RHEB: variants seen among roughly 807,000 people sequenced by gnomAD.
RHEB encodes Ras homolog, mTORC1 binding.
In RHEB, 2 loss-of-function variants were observed where a neutral mutation model predicts 28.8. The ratio of observed to expected loss-of-function variants is 0.07; its 90% CI spans 0.03 to 0.22. RHEB has a LOEUF of 0.22. Among genes scored for constraint, RHEB ranks in the 10% least tolerant of loss-of-function variants. The pLI is 1.00. For missense variants in RHEB, 76 were observed against 219.9 expected, an observed-to-expected ratio of 0.35 and a Z score of 4.14; for synonymous variants, 69 against 77.3, an observed-to-expected ratio of 0.89 and a Z score of 0.56.
chr7:151,491,444 A>G (rs1257686451), intron 1 of RHEB, among the ~76,000 whole-genome samples: 1 of 152,238 alleles, frequency 6.6e-6, no homozygotes, highest in Non-Finnish European at 1.5e-5. Flanking sequence ...GCTTTTAAAA[A>G]GAGTAATCCG....
rs1802570038 is a variant in RHEB, at chr7:151,490,947, T to C, written c.120A>G (p.Glu40=). 6.2e-7 allele frequency: 1 copy of C among 1,609,114 alleles called. No individual in the cohort carries two copies. The highest frequency in any genetic ancestry group is 8.5e-7 in the Non-Finnish European group (1 of 1,175,586). ...QFVDSYDPTI[E]NTFTKLITVN... ...GTACTTGAAAACAATACTTACTGTT[T>C]TCTATGGTTGGATCGTAGGAGTCCA... The change falls in exon 2 of 8, where the codon GAA becomes GAG. Residue 40 remains glutamate (E), a synonymous_variant. Transcript: ENST00000262187.
At chr7:151,518,692 T>C (rs547378654) in intron 1 of RHEB, among the ~76,000 whole-genome samples, 4 of 152,238 alleles carry the variant, frequency 2.6e-5, no homozygotes, top group African/African-American at 9.6e-5. Flanking sequence ...TGTCAACCTT[T>C]TGGGGGAAGA....
In RHEB at chr7:151,502,524, T is replaced by C. The variant is rs554163479; in HGVS notation, c.53-11510A>G. ...AAGGAAAAGAAAGTCAACGTTGACT[T>C]TGAATCTTTCAAACCAATTAATACG... On this transcript the variant is annotated intron_variant, in intron 1 of 7. Coordinates refer to ENST00000262187, the MANE Select transcript of RHEB (RefSeq NM_005614.4). 3.0e-6 allele frequency: 3 copies of C among 1,003,208 alleles called. No homozygotes were observed. In the African/African-American group the frequency reaches 4.7e-5, roughly 16 times the overall value. The allele number at this position is 1,003,208 out of a possible 1,614,324, so 62.1% of individuals were successfully genotyped here. A position where few individuals can be genotyped will look rare whatever the true frequency, so the allele number is the denominator to read the frequency against.
At position 151,472,490 on chromosome 7, in the gene RHEB, G is replaced by C. The variant is rs368494928; in HGVS notation, c.276-885C>G. Among the ~76,000 whole-genome samples, 1 of 152,198 alleles carries C rather than the reference G, an allele frequency of 6.6e-6. No individual in the cohort carries two copies. The highest frequency in any genetic ancestry group is 2.4e-5 in the African/African-American group (1 of 41,454). On this transcript the variant is annotated intron_variant, in intron 4 of 7. Coordinates refer to ENST00000262187, the MANE Select transcript of RHEB (RefSeq NM_005614.4). The surrounding 1 kb of genome is among the most constrained non-coding windows in gnomAD (Gnocchi z 5.2). The stretch of plus-strand genomic sequence containing the variant: ...AAACTTCTGACCTCGTGATCCGCCT[G>C]CCTCGGCCTCCCAAAGTGCTGGGAT...
At chr7:151,493,063 G>A (rs777039571) in intron 1 of RHEB, among the ~76,000 whole-genome samples, 2 of 151,840 alleles carry the variant, frequency 1.3e-5, no homozygotes, top group African/African-American at 4.8e-5. Flanking sequence ...GGCTGGTCTC[G>A]AACTCCTGAC....
chr7:151,517,422 C>T (rs1584871909), intron 1 of RHEB, among the ~76,000 whole-genome samples: 1 of 151,146 alleles, frequency 6.6e-6, no homozygotes, highest in East Asian at 1.9e-4. Context: ...CTTAACCTCT[C>T]CAAAATCGTT....
chr7:151,475,133 A>C (rs544740774), intron 4 of RHEB, among the ~76,000 whole-genome samples: 1 of 152,246 alleles, frequency 6.6e-6, no homozygotes, highest in Admixed American at 6.5e-5. Flanking sequence ...GTGTTTTCTC[A>C]AATACATAAG....
intron 2 of RHEB, among the ~76,000 whole-genome samples, chr7:151,488,494 T>C (rs954595144): frequency 6.6e-6 from 1 of 152,236 alleles, no homozygotes; most frequent in Non-Finnish European, 1.5e-5. Flanking sequence ...AAGTTCATGA[T>C]AACCTTTTCT....
chr7:151,470,956 G>A (rs1256377324), intron 6 of RHEB, among the ~76,000 whole-genome samples: 1 of 152,224 alleles, frequency 6.6e-6, no homozygotes, highest in Non-Finnish European at 1.5e-5. Flanking sequence ...TTACAGCTAG[G>A]TTGTAAGCAC....
intron 2 of RHEB, among the ~76,000 whole-genome samples, chr7:151,487,724 C>G (rs574227655): frequency 2.6e-5 from 4 of 152,172 alleles, no homozygotes; most frequent in Admixed American, 2.0e-4. Context: ...TCATTTTAAC[C>G]TCATGTCAAA....
At chr7:151,506,979 C>T (rs1430973332) in intron 1 of RHEB, among the ~76,000 whole-genome samples, 3 of 152,182 alleles carry the variant, frequency 2.0e-5, no homozygotes, top group African/African-American at 7.2e-5. Context: ...CTTCTTAGGG[C>T]TTAAAGCCTG....
At chr7:151,517,677 G>A (rs953264602) in intron 1 of RHEB, among the ~76,000 whole-genome samples, 1 of 139,212 alleles carries the variant, frequency 7.2e-6, no homozygotes. Context: ...TGGACATAAG[G>A]AACTTCTGTA....
At chr7:151,502,581 A>C in intron 1 of RHEB, 1 of 1,236,544 alleles carries the variant, frequency 8.1e-7, no homozygotes. Context: ...AATTCCATAA[A>C]GGGGCTCTTA....
At chr7:151,509,125 C>G (rs56161373) in intron 1 of RHEB, among the ~76,000 whole-genome samples, 5,338 of 152,300 alleles carry the variant, frequency 0.035, 268 homozygotes, top group African/African-American at 0.11. Flanking sequence ...AAGACACTGC[C>G]TGCCTGAGTG....
At chr7:151,502,601 T>C in intron 1 of RHEB, 1 of 1,451,274 alleles carries the variant, frequency 6.9e-7, no homozygotes, top group Non-Finnish European at 9.7e-7. Flanking sequence ...ACAGCACTAC[T>C]TTCAGATGAC....
chr7:151,481,272 G>A (rs1357837780), intron 3 of RHEB, among the ~76,000 whole-genome samples: 1 of 151,866 alleles, frequency 6.6e-6, no homozygotes. Flanking sequence ...ATCATTCCTA[G>A]GTGGGCAATT....
intron 2 of RHEB, among the ~76,000 whole-genome samples, chr7:151,490,210 A>G (rs1802555282): frequency 1.3e-5 from 2 of 152,196 alleles, no homozygotes; most frequent in Non-Finnish European, 2.9e-5. Context: ...GGCTGAGGAA[A>G]GAGGATCACT....
chr7:151,483,200 C>A (rs1802407467), intron 3 of RHEB, among the ~76,000 whole-genome samples: 1 of 152,202 alleles, frequency 6.6e-6, no homozygotes, highest in African/African-American at 2.4e-5. Context: ...ATGCTAACAT[C>A]ACTCAATACA....
intron 3 of RHEB, among the ~76,000 whole-genome samples, chr7:151,480,908 TC>T (rs1198638675): frequency 1.3e-5 from 2 of 152,178 alleles, no homozygotes; most frequent in African/African-American, 4.8e-5. Flanking sequence ...GGTTTCAAAA[TC>T]CTGACCTAAA....
Sources: gnomAD v4.1 joint callset for allele counts (sites outside exome capture counted in the v4.1 genomes callset) on GRCh38, gnomAD v4.1.1 for gene constraint, Gnocchi (gnomAD v3.1) non-coding constraint, MANE v1.5 for transcripts, NCBI Gene and HGNC (gene_info 2026-07-23, HGNC 2026-07-21) for gene names.